Variants in ZSWIM5 observed in about 807,000 individuals in gnomAD.
ZSWIM5 encodes zinc finger SWIM domain-containing protein 5.
In ZSWIM5, 55 loss-of-function variants were observed where a neutral mutation model predicts 119.6. The observed-to-expected ratio is 0.46, with a 90% CI of 0.37 to 0.58. The LOEUF is 0.58. Among genes scored for constraint, ZSWIM5 ranks in the 20% least tolerant of loss-of-function variants. The pLI is 0.00. For missense variants in ZSWIM5, 1,193 were observed against 1,512.8 expected (o/e 0.79, Z 3.51); for synonymous variants, 537 against 606.9 (o/e 0.88, Z 1.69).
chr1:45,090,668 A>T (rs569968556), intron 1 of ZSWIM5, among the ~76,000 whole-genome samples: 130 of 152,170 alleles, frequency 8.5e-4, no homozygotes, highest in African/African-American at 3.1e-3. Flanking sequence ...ATAAGTAAAT[A>T]AATAAGCAAG....
intron 1 of ZSWIM5, among the ~76,000 whole-genome samples, chr1:45,178,638 A>G (rs533464960): frequency 3.3e-5 from 5 of 152,258 alleles, no homozygotes; most frequent in African/African-American, 9.6e-5. Context: ...TGATATAACA[A>G]AAGTTTTAAT....
chr1:45,117,484 T>C (rs913289099), intron 1 of ZSWIM5, among the ~76,000 whole-genome samples: 1 of 152,098 alleles, frequency 6.6e-6, no homozygotes, highest in African/African-American at 2.4e-5. Flanking sequence ...AGACCAGCCC[T>C]GGCAACATAG....
intron 5 of ZSWIM5, among the ~76,000 whole-genome samples, chr1:45,046,316 T>C (rs1354282570): frequency 6.6e-6 from 1 of 152,060 alleles, no homozygotes; most frequent in African/African-American, 2.4e-5. Context: ...TGAGAGATGA[T>C]GGTAGTTGGC....
intron 1 of ZSWIM5, among the ~76,000 whole-genome samples, chr1:45,104,145 A>G (rs1645455836): frequency 6.6e-6 from 1 of 152,194 alleles, no homozygotes. Context: ...GTCTCCCGGA[A>G]GGCCACAGCA....
intron 1 of ZSWIM5, among the ~76,000 whole-genome samples, chr1:45,119,536 G>A (rs1277510579): frequency 6.6e-6 from 1 of 152,086 alleles, no homozygotes; most frequent in African/African-American, 2.4e-5. Context: ...GGGTAAGGAC[G>A]GTCAACTAGT....
At chr1:45,048,149 C>T (rs1340887920) in intron 5 of ZSWIM5, among the ~76,000 whole-genome samples, 1 of 145,892 alleles carries the variant, frequency 6.9e-6, no homozygotes, top group Non-Finnish European at 1.5e-5. Flanking sequence ...AGTGGCATGA[C>T]CGTGGCTCAT....
At position 45,043,223 on chromosome 1, in the gene ZSWIM5, CCACAG is replaced by C. The variant is rs755914686; in HGVS notation, c.1600_1604del (p.Leu534AlafsTer2). On this transcript the variant is annotated frameshift_variant, in exon 6 of 14. Coordinates refer to ENST00000359600, the MANE Select transcript of ZSWIM5 (RefSeq NM_020883.2). LOFTEE classifies it high-confidence loss of function. ...TTAGAGGAGGGCTAGACTTACCAAG[CCACAG>C]TGGCTGGCCTTGGGAATTAAAGAGT... The C allele has an allele frequency of 6.2e-7, 1 of 1,613,326 alleles. No individual in the cohort carries two copies. Among genetic ancestry groups the C allele is most frequent in the Non-Finnish European group, 8.5e-7 (1 of 1,179,882 alleles).
At chr1:45,194,644 G>A (rs143944021) in intron 1 of ZSWIM5, among the ~76,000 whole-genome samples, 2,252 of 152,126 alleles carry the variant, frequency 0.015, 51 homozygotes, top group African/African-American at 0.052. Context: ...TTGGGAGGCC[G>A]AGGTGGGCGG....
intron 11 of ZSWIM5, among the ~76,000 whole-genome samples, chr1:45,022,113 G>C (rs1392301838): frequency 3.3e-5 from 4 of 120,470 alleles, no homozygotes; most frequent in African/African-American, 1.1e-4. Flanking sequence ...AATATTCTAT[G>C]ATTCTACTTT....
intron 1 of ZSWIM5, among the ~76,000 whole-genome samples, chr1:45,173,176 T>C (rs997624236): frequency 3.3e-5 from 5 of 151,994 alleles, no homozygotes; most frequent in Non-Finnish European, 7.4e-5. Flanking sequence ...AAAATTATAA[T>C]CATCACCAAT....
intron 1 of ZSWIM5, among the ~76,000 whole-genome samples, chr1:45,170,170 C>T (rs1047071683): frequency 2.6e-5 from 4 of 151,880 alleles, no homozygotes; most frequent in Admixed American, 1.3e-4. Flanking sequence ...GGACTTTTAC[C>T]TTTTTTCTCT....
At chr1:45,021,149 C>T (rs61498433) in intron 11 of ZSWIM5, among the ~76,000 whole-genome samples, 9,893 of 152,154 alleles carry the variant, frequency 0.065, 1,085 homozygotes, top group African/African-American at 0.22. Context: ...CATTCTCCTG[C>T]CTCAGCCTCC....
chr1:45,161,210 A>T (rs1413140645), intron 1 of ZSWIM5, among the ~76,000 whole-genome samples: 1 of 152,102 alleles, frequency 6.6e-6, no homozygotes, highest in African/African-American at 2.4e-5. Context: ...AGTGCTAATG[A>T]TAAACATCCA....
intron 1 of ZSWIM5, among the ~76,000 whole-genome samples, chr1:45,158,606 T>C (rs1310318366): frequency 2.6e-5 from 4 of 152,226 alleles, no homozygotes; most frequent in African/African-American, 9.6e-5. Flanking sequence ...GGGCATCTTT[T>C]TGCATCTGTA....
At chr1:45,177,892 T>A (rs1645990595) in intron 1 of ZSWIM5, among the ~76,000 whole-genome samples, 1 of 152,038 alleles carries the variant, frequency 6.6e-6, no homozygotes, top group African/African-American at 2.4e-5. Flanking sequence ...GAAAGGAAGA[T>A]AAAAGTTTAT....
chr1:45,188,572 A>T (rs1439348054), intron 1 of ZSWIM5, among the ~76,000 whole-genome samples: 1 of 152,202 alleles, frequency 6.6e-6, no homozygotes, highest in Non-Finnish European at 1.5e-5. Flanking sequence ...TACACTTTAA[A>T]TGGATGAGTT....
Position 45,088,961 on chromosome 1 carries a change from CTTTA to C in ZSWIM5, c.596-728_596-725del, listed in dbSNP as rs1245591908. On this transcript the variant is annotated intron_variant, in intron 1 of 13. Transcript: ENST00000359600. The surrounding 1 kb of genome is among the most constrained non-coding windows in gnomAD (Gnocchi z 4.2). ...AATCAATTCTATAATATTAATTATG[CTTTA>C]TTATTATTTTTATCTCTGGGGTCTT... Among the ~76,000 whole-genome samples, 1 of 152,030 alleles carries C rather than the reference CTTTA, an allele frequency of 6.6e-6. No homozygotes were observed. The highest frequency in any genetic ancestry group is 2.4e-5 in the African/African-American group (1 of 41,384).
At chr1:45,145,630 T>C (rs991079083) in intron 1 of ZSWIM5, among the ~76,000 whole-genome samples, 1 of 152,002 alleles carries the variant, frequency 6.6e-6, no homozygotes, top group Non-Finnish European at 1.5e-5. Flanking sequence ...ACTATAATGA[T>C]GGAGAACAGA....
At chr1:45,052,270 C>T (rs1459814294) in intron 4 of ZSWIM5, among the ~76,000 whole-genome samples, 1 of 152,116 alleles carries the variant, frequency 6.6e-6, no homozygotes, top group African/African-American at 2.4e-5. Flanking sequence ...AGGTGATCCA[C>T]TCGCCTTGGC....
Sources: gnomAD v4.1 joint callset for allele counts (sites outside exome capture counted in the v4.1 genomes callset) on GRCh38, gnomAD v4.1.1 for gene constraint, Gnocchi (gnomAD v3.1) non-coding constraint, MANE v1.5 for transcripts, NCBI Gene and HGNC (gene_info 2026-07-23, HGNC 2026-07-21) for gene names.